The following COP1 variants were observed in gnomAD, a reference collection of about 807,000 sequenced individuals.
COP1 encodes the protein E3 ubiquitin-protein ligase COP1.
Under a neutral mutation model 101.3 loss-of-function variants are expected in COP1, and 24 were observed. The observed-to-expected ratio is 0.24, with a 90% CI of 0.17 to 0.33. COP1 has a LOEUF of 0.33. Ranked by LOEUF, COP1 falls within the 10% of genes least tolerant of loss-of-function variation. COP1 has a pLI of 1.00. For synonymous variants in COP1, 347 were observed against 341.9 expected, an observed-to-expected ratio of 1.01 and a Z score of -0.17; for missense variants, 663 against 906.2, an observed-to-expected ratio of 0.73 and a Z score of 3.45.
intron 12 of COP1, 104 bp downstream of exon 12, chr1:176,046,077 C>A: frequency 1.2e-6 from 1 of 828,410 alleles, no homozygotes; most frequent in African/African-American, 1.7e-5. Flanking sequence ...ATAGTGTTCA[C>A]CATGAGTAAA....
intron 17 of COP1, 41 bp from the exon 18 acceptor site, chr1:175,987,144 A>C (rs1408763949): frequency 2.7e-6 from 3 of 1,131,056 alleles, no homozygotes; most frequent in African/African-American, 1.6e-5. Flanking sequence ...GAATAGAAAA[A>C]CTCGGAATTA....
At chr1:175,950,317 C>T (rs1010120589) in intron 18 of COP1, among the ~76,000 whole-genome samples, 1 of 151,750 alleles carries the variant, frequency 6.6e-6, no homozygotes, top group African/African-American at 2.4e-5. Flanking sequence ...CTCAGTACAT[C>T]CTCTCTCCCC....
intron 1 of COP1, among the ~76,000 whole-genome samples, chr1:176,195,496 A>T (rs1012342281): frequency 6.6e-6 from 1 of 152,220 alleles, no homozygotes; most frequent in African/African-American, 2.4e-5. Flanking sequence ...ATAGAACCTC[A>T]GCCTACACAT....
At chr1:176,135,172 T>C in intron 7 of COP1, 86 bp from the exon 8 acceptor site, 2 of 856,838 alleles carry the variant, frequency 2.3e-6, no homozygotes, top group Non-Finnish European at 3.6e-6. Flanking sequence ...TTCCTTTCTA[T>C]TCCCAGGTTT....
In COP1 at chr1:176,160,161, A is replaced by G; in HGVS notation, c.762+2708T>C. The G allele has an allele frequency of 7.9e-6, 2 of 252,502 alleles. 1 individual carries two copies. Among genetic ancestry groups the G allele is most frequent in the South Asian group, 8.2e-5 (2 of 24,400 alleles). The allele number at this position is 252,502 out of a possible 1,614,324, so 15.6% of individuals were successfully genotyped here. A position where few individuals can be genotyped will look rare whatever the true frequency, so the allele number is the denominator to read the frequency against. On this transcript the variant is annotated intron_variant, in intron 5 of 19. Coordinates refer to ENST00000367669, the MANE Select transcript of COP1 (RefSeq NM_022457.7). ...ATTCGAAGCCAAAAAGGAAACAAAGACTAATGCTGGCATATGAGAAGGTAG... is the reference window on the plus strand; with the variant it reads ...ATTCGAAGCCAAAAAGGAAACAAAGGCTAATGCTGGCATATGAGAAGGTAG...
chr1:176,069,468 C>T (rs1476430193), intron 11 of COP1, among the ~76,000 whole-genome samples: 1 of 152,126 alleles, frequency 6.6e-6, no homozygotes, highest in East Asian at 1.9e-4. Context: ...TATTTTCTAC[C>T]TTGAATTTAA....
chr1:176,144,670 G>A (rs1238033758), intron 6 of COP1, among the ~76,000 whole-genome samples: 3 of 152,028 alleles, frequency 2.0e-5, no homozygotes, highest in Admixed American at 6.6e-5. Context: ...AATACAAGGT[G>A]GTATTGCGAA....
At chr1:176,080,203 G>A (rs1678858866) in intron 11 of COP1, among the ~76,000 whole-genome samples, 1 of 151,988 alleles carries the variant, frequency 6.6e-6, no homozygotes. Context: ...TAAAAAGAAA[G>A]CTAAAATAGT....
intron 15 of COP1, among the ~76,000 whole-genome samples, chr1:176,014,182 C>CTTT (rs1159698829): frequency 1.3e-5 from 2 of 152,138 alleles, no homozygotes; most frequent in Non-Finnish European, 2.9e-5. Flanking sequence ...TAAGAGAATA[C>CTTT]ATCTGACTAC....
In COP1 at chr1:176,081,212, C is replaced by T. The variant is rs760439427; in HGVS notation, c.1217G>A (p.Arg406Gln). ...AGCATATGACAATGTGGCTAAAGGT[C>T]GTACTGAATTATATCGAGTAAACTT... Reference protein sequence around the residue: ...LSKFTRYNSVRPLATLSYASD... With the variant: ...LSKFTRYNSVQPLATLSYASD... Residue 406 changes from arginine to glutamine, a missense_variant, in exon 11 of 20, where the codon CGA becomes CAA. By Grantham distance (43) the Arg-to-Gln change is conservative. Coordinates refer to ENST00000367669, the MANE Select transcript of COP1 (RefSeq NM_022457.7). The T allele has an allele frequency of 5.6e-6, 9 of 1,609,942 alleles. No individual in the cohort carries two copies. The highest frequency in any genetic ancestry group is 1.1e-5 in the South Asian group (1 of 90,834).
intron 9 of COP1, chr1:176,100,316 G>T (rs1474834571): frequency 1.7e-5 from 3 of 179,872 alleles, no homozygotes; most frequent in South Asian, 8.1e-5. Context: ...TTGTACCTGG[G>T]AGGTGGAGGT....
intron 18 of COP1, among the ~76,000 whole-genome samples, chr1:175,970,784 T>C (rs1571306678): frequency 6.6e-6 from 1 of 152,184 alleles, no homozygotes; most frequent in Non-Finnish European, 1.5e-5. Flanking sequence ...TTTATCAAAA[T>C]TTCCCCTTAT....
intron 8 of COP1, among the ~76,000 whole-genome samples, chr1:176,120,115 T>C (rs1686865232): frequency 6.6e-6 from 1 of 152,160 alleles, no homozygotes; most frequent in African/African-American, 2.4e-5. Context: ...AACCTATAAA[T>C]ATAAGACAGA....
intron 15 of COP1, among the ~76,000 whole-genome samples, chr1:175,994,738 C>T (rs1177687247): frequency 6.6e-6 from 1 of 152,202 alleles, no homozygotes; most frequent in Non-Finnish European, 1.5e-5. Context: ...CACCCAGATT[C>T]ATAAAGCAAG....
At chr1:176,130,613 T>C (rs1236814917) in intron 8 of COP1, among the ~76,000 whole-genome samples, 3 of 151,792 alleles carry the variant, frequency 2.0e-5, no homozygotes, top group African/African-American at 7.2e-5. Flanking sequence ...TGATAGCTTT[T>C]ATAGCAAGAT....
At chr1:175,982,811 G>A (rs781150664) in intron 18 of COP1, among the ~76,000 whole-genome samples, 11 of 152,224 alleles carry the variant, frequency 7.2e-5, no homozygotes, top group Non-Finnish European at 1.2e-4. Flanking sequence ...ATTTATACGT[G>A]TAATCTTAAA....
At chr1:176,105,978 C>A (rs1190965021) in intron 9 of COP1, among the ~76,000 whole-genome samples, 1 of 152,214 alleles carries the variant, frequency 6.6e-6, no homozygotes, top group Non-Finnish European at 1.5e-5. Flanking sequence ...TTACTGGGCA[C>A]AGGCTTAACT....
chr1:176,043,140 G>A (rs761706076), intron 14 of COP1, 46 bp downstream of exon 14: 41 of 1,140,214 alleles, frequency 3.6e-5, no homozygotes, highest in African/African-American at 1.1e-4. Context: ...TTACAGTTAA[G>A]AGGGCCAGGG....
At chr1:176,055,619 C>T (rs918822566) in intron 11 of COP1, among the ~76,000 whole-genome samples, 38 of 152,268 alleles carry the variant, frequency 2.5e-4, no homozygotes, top group African/African-American at 8.7e-4. Context: ...TACACTACTG[C>T]CTCATGTCTA....
Sources: gnomAD v4.1 joint callset for allele counts (sites outside exome capture counted in the v4.1 genomes callset) on GRCh38, gnomAD v4.1.1 for gene constraint, MANE v1.5 for transcripts, NCBI Gene and HGNC (gene_info 2026-07-23, HGNC 2026-07-21) for gene names.